The following BRIP1 variants were observed in gnomAD, a reference collection of about 807,000 sequenced individuals.
BRIP1 encodes BRCA1 interacting DNA helicase 1, also known as Fanconi anemia group J protein.
A neutral mutation model predicts 119.7 loss-of-function variants in BRIP1; 88 were observed. The ratio of observed to expected loss-of-function variants is 0.74; its 90% CI spans 0.62 to 0.88. The LOEUF (loss-of-function observed/expected upper bound fraction) is 0.88. Ranked by LOEUF, BRIP1 falls within the 40% of genes least tolerant of loss-of-function variation. BRIP1 has a pLI of 0.00. For synonymous variants in BRIP1, 443 were observed against 496.5 expected, an observed-to-expected ratio of 0.89 and a Z score of 1.43; for missense variants, 1,259 against 1,455.4, an observed-to-expected ratio of 0.87 and a Z score of 2.20.
At chr17:61,772,380 C>T (rs1189349510) in intron 14 of BRIP1, among the ~76,000 whole-genome samples, 2 of 151,272 alleles carry the variant, frequency 1.3e-5, no homozygotes, top group East Asian at 1.9e-4. Flanking sequence ...AGAAAGAATA[C>T]TAGAGGGTAA....
Position 61,729,110 on chromosome 17 carries a change from A to T in BRIP1, c.2380-13047T>A, listed in dbSNP as rs2076809363. ...AGCCTGACCAACATAGAGACACCCC[A>T]TCTCTACTAAAAATACAAATTAGCT... On this transcript the variant is annotated intron_variant, in intron 16 of 19. Transcript: ENST00000259008. The surrounding 1 kb of genome is among the most constrained non-coding windows in gnomAD (Gnocchi z 5.6). Among the ~76,000 whole-genome samples, 1 of 151,830 alleles carries T rather than the reference A, an allele frequency of 6.6e-6. No individual in the cohort carries two copies. The highest frequency in any genetic ancestry group is 1.5e-5 in the Non-Finnish European group (1 of 67,954).
rs941348917 is a variant in BRIP1, at chr17:61,841,221, G to A, written c.627+5880C>T. On this transcript the variant is annotated intron_variant, in intron 6 of 19. Coordinates refer to ENST00000259008, the MANE Select transcript of BRIP1 (RefSeq NM_032043.3). This position sits in a 1 kb window ranked among gnomAD's most constrained non-coding sequence, Gnocchi z 4.1. Reference sequence around the variant, plus strand: ...AAAACAAAAATAGACAAATAGGACAGTATCAAACTAAAAAGCTTCTGCACA... The same window carrying A: ...AAAACAAAAATAGACAAATAGGACAATATCAAACTAAAAAGCTTCTGCACA... Among the ~76,000 whole-genome samples the A allele has an allele frequency of 1.3e-5, 2 of 152,016 alleles. No individual in the cohort carries two copies. Among genetic ancestry groups the A allele is most frequent in the African/African-American group, 4.8e-5 (2 of 41,402 alleles).
At chr17:61,702,972 C>CTTTTTTTTTTTTT in intron 17 of BRIP1, among the ~76,000 whole-genome samples, 1 of 125,224 alleles carries the variant, frequency 8.0e-6, no homozygotes, top group Non-Finnish European at 1.7e-5. Context: ...AGCATCTGTT[C>CTTTTTTTTTTTTT]TTTTTTTTTT....
chr17:61,719,179 C>CG (rs371130710), intron 16 of BRIP1, among the ~76,000 whole-genome samples: 15 of 143,752 alleles, frequency 1.0e-4, no homozygotes, highest in African/African-American at 3.5e-4. Flanking sequence ...AGACATTGCC[C>CG]CCCCCCCATG....
rs1391412628 is a variant in BRIP1 at position 61,823,756 on chromosome 17, A to AC, written c.628-15000_628-14999insG. On this transcript the variant is annotated intron_variant, in intron 6 of 19. Coordinates refer to ENST00000259008, the MANE Select transcript of BRIP1 (RefSeq NM_032043.3). The surrounding 1 kb of genome is among the most constrained non-coding windows in gnomAD (Gnocchi z 4.8). ...AGCTCAATGACCCCAAGCACACAAT[A>AC]AACACACACACACACACACACACAC... Among the ~76,000 whole-genome samples, 155 of 132,380 alleles carry AC rather than the reference A, an allele frequency of 1.2e-3. No individual in the cohort carries two copies. The highest frequency in any genetic ancestry group is 4.4e-3 in the African/African-American group (146 of 33,374). 86.8% of individuals were successfully genotyped at this position (132,380 alleles called of 152,430 possible).
chr17:61,765,374 A>G (rs113137014), intron 14 of BRIP1, among the ~76,000 whole-genome samples: 3,811 of 37,330 alleles, frequency 0.1, 328 homozygotes, highest in Non-Finnish European at 0.11. Flanking sequence ...GTGTGTGTGT[A>G]TATATTATAT....
rs1417358875 is a variant in BRIP1 at position 61,856,734 on chromosome 17, A to G, written c.379+324T>C. On this transcript the variant is annotated intron_variant, in intron 4 of 19. Transcript: ENST00000259008. The surrounding 1 kb of genome is among the most constrained non-coding windows in gnomAD (Gnocchi z 5.1). ...TTAGATTTCGTCTTAGGATACAAAC[A>G]TTGTTTTATAGAATTCTAACATATA... is the stretch of plus-strand genomic sequence containing the variant. Among the ~76,000 whole-genome samples the G allele has an allele frequency of 4.6e-5, 7 of 152,208 alleles. No homozygotes were observed.
rs2061261034 is a variant in BRIP1 at position 61,680,862 on chromosome 17, C to T, written c.*2434G>A. Among the ~76,000 whole-genome samples the T allele has an allele frequency of 6.6e-6, 1 of 152,160 alleles. No homozygotes were observed. Among genetic ancestry groups the T allele is most frequent in the Non-Finnish European group, 1.5e-5 (1 of 68,036 alleles). On this transcript the variant is annotated 3_prime_UTR_variant, in exon 20 of 20. Transcript: ENST00000259008. The stretch of plus-strand genomic sequence containing the variant: ...ATCTAGCTTTCCAAGTTATTATGCA[C>T]ATATACCATCTGTGTCAGTCTGTTC...
chr17:61,692,159 G>T (rs1370712727), intron 18 of BRIP1, among the ~76,000 whole-genome samples: 1 of 152,218 alleles, frequency 6.6e-6, no homozygotes, highest in Admixed American at 6.5e-5. Context: ...ATTAGAAGCA[G>T]ATGCTGATGC....
chr17:61,728,705 C>T (rs947617578), intron 16 of BRIP1, among the ~76,000 whole-genome samples: 26 of 152,084 alleles, frequency 1.7e-4, no homozygotes, highest in Admixed American at 7.2e-4. Flanking sequence ...AGAAGACAGA[C>T]AAATCAAATT....
chr17:61,848,311 G>A lies in BRIP1; in HGVS notation c.507+818C>T, dbSNP rs2078764462. Among the ~76,000 whole-genome samples the A allele has an allele frequency of 1.3e-5, 2 of 152,076 alleles. No individual in the cohort carries two copies. The highest frequency in any genetic ancestry group is 4.1e-4 in the South Asian group (2 of 4,830). On this transcript the variant is annotated intron_variant, in intron 5 of 19. Transcript: ENST00000259008. This position sits in a 1 kb window ranked among gnomAD's most constrained non-coding sequence, Gnocchi z 4.3. Reference sequence around the variant, plus strand: ...TCCTATCTCAGCCTCCCAAGTAGCTGGAAAGTAGTCTGTAGGGCTACATGT... The same window carrying A: ...TCCTATCTCAGCCTCCCAAGTAGCTAGAAAGTAGTCTGTAGGGCTACATGT...
Position 61,841,608 on chromosome 17 carries a change from T to C in BRIP1, c.627+5493A>G, listed in dbSNP as rs1167269461. ...ATATACTATTAGTGGAAATGTAAAT[T>C]AGTACAGACATTACGGAAAACAGCA... On this transcript the variant is annotated intron_variant, in intron 6 of 19. Coordinates refer to ENST00000259008, the MANE Select transcript of BRIP1 (RefSeq NM_032043.3). The surrounding 1 kb of genome is among the most constrained non-coding windows in gnomAD (Gnocchi z 4.1). Among the ~76,000 whole-genome samples, 1 of 152,146 alleles carries C rather than the reference T, an allele frequency of 6.6e-6. No homozygotes were observed. The highest frequency in any genetic ancestry group is 1.5e-5 in the Non-Finnish European group (1 of 68,038).
rs1311896591 is a variant in BRIP1 at position 61,809,313 on chromosome 17, T to C, written c.628-556A>G. Among the ~76,000 whole-genome samples, 3 of 152,148 alleles carry C rather than the reference T, an allele frequency of 2.0e-5. No homozygotes were observed. Among genetic ancestry groups the C allele is most frequent in the Non-Finnish European group, 4.4e-5 (3 of 67,998 alleles). ...TCTTTAGCAAAGGTACGAAAATAAATGCAAAATATTAATATTTAATAATGA... is the reference window on the plus strand; with the variant it reads ...TCTTTAGCAAAGGTACGAAAATAAACGCAAAATATTAATATTTAATAATGA... On this transcript the variant is annotated intron_variant, in intron 6 of 19. Coordinates refer to ENST00000259008, the MANE Select transcript of BRIP1 (RefSeq NM_032043.3). The surrounding 1 kb of genome is among the most constrained non-coding windows in gnomAD (Gnocchi z 5.2).
chr17:61,784,726 T>C (rs560674304), intron 10 of BRIP1, among the ~76,000 whole-genome samples: 2 of 152,196 alleles, frequency 1.3e-5, no homozygotes, highest in African/African-American at 4.8e-5. Context: ...AGCTGGTTGT[T>C]AGAAAGAGCC....
intron 19 of BRIP1, chr17:61,685,417 T>G (rs750457406): frequency 2.2e-5 from 4 of 182,776 alleles, no homozygotes; most frequent in African/African-American, 4.7e-5. Context: ...TATAGAAGTA[T>G]CTACATAAAA....
intron 10 of BRIP1, among the ~76,000 whole-genome samples, chr17:61,787,162 A>G (rs1202615727): frequency 9.8e-6 from 1 of 102,290 alleles, no homozygotes; most frequent in African/African-American, 4.1e-5. Context: ...TATATTATAT[A>G]CTATATAAAA....
chr17:61,718,410 G>C (rs772386218), intron 16 of BRIP1, among the ~76,000 whole-genome samples: 3 of 152,184 alleles, frequency 2.0e-5, no homozygotes, highest in Non-Finnish European at 4.4e-5. Context: ...TCTTCTGGCT[G>C]CTGGGAACTC....
rs1603359592 is a variant in BRIP1, at chr17:61,843,277, C to CTA, written c.627+3822_627+3823dup. ...TGAATCTACATAGGATGAATCAAGT[C>CTA]TAGAGATCTAATGAACAGCATCATG... On this transcript the variant is annotated intron_variant, in intron 6 of 19. Transcript: ENST00000259008. The surrounding 1 kb of genome is among the most constrained non-coding windows in gnomAD (Gnocchi z 5.7). Among the ~76,000 whole-genome samples the CTA allele has an allele frequency of 6.6e-6, 1 of 152,024 alleles. No individual in the cohort carries two copies. Among genetic ancestry groups the CTA allele is most frequent in the East Asian group, 1.9e-4 (1 of 5,196 alleles).
In BRIP1 at chr17:61,680,692, G is replaced by C. The variant is rs369363061; in HGVS notation, c.*2604C>G. 6.6e-6 allele frequency among the ~76,000 whole-genome samples: 1 copy of C among 151,878 alleles called. No homozygotes were observed. Among genetic ancestry groups the C allele is most frequent in the African/African-American group, 2.4e-5 (1 of 41,384 alleles). On this transcript the variant is annotated 3_prime_UTR_variant, in exon 20 of 20. Transcript: ENST00000259008. ...GACGGGGTTTCACCGTGTTAACCAG[G>C]ATGGTCTCGATCTCCTGACCTCGTG...
Sources: gnomAD v4.1 joint callset for allele counts (sites outside exome capture counted in the v4.1 genomes callset) on GRCh38, gnomAD v4.1.1 for gene constraint, Gnocchi (gnomAD v3.1) non-coding constraint, MANE v1.5 for transcripts, NCBI Gene and HGNC (gene_info 2026-07-23, HGNC 2026-07-21) for gene names.